Variants in ZDHHC20 observed in about 807,000 individuals in gnomAD.
ZDHHC20 encodes the protein zDHHC palmitoyltransferase 20, also known as palmitoyltransferase ZDHHC20.
ZDHHC20 carries 43 observed loss-of-function variants against 57.8 expected under a neutral mutation model. The ratio of observed to expected loss-of-function variants is 0.74; its 90% CI spans 0.58 to 0.96. The LOEUF is 0.96. ZDHHC20 is among the 40% of genes least tolerant of loss of function. The pLI is 0.00. For missense variants in ZDHHC20, 391 were observed against 441.1 expected (o/e 0.89, Z 1.02); for synonymous variants, 157 against 153.0 (o/e 1.03, Z -0.19).
intron 1 of ZDHHC20, among the ~76,000 whole-genome samples, chr13:21,448,468 G>A (rs1207846327): frequency 2.8e-5 from 3 of 106,140 alleles, no homozygotes; most frequent in East Asian, 2.5e-4. Context: ...AGGAGGTGGG[G>A]GGGGTCAGCC....
At chr13:21,411,243 C>T (rs1879178867) in intron 4 of ZDHHC20, among the ~76,000 whole-genome samples, 1 of 152,154 alleles carries the variant, frequency 6.6e-6, no homozygotes. Flanking sequence ...GTTGGAAATG[C>T]AAAAATCACC....
intron 1 of ZDHHC20, among the ~76,000 whole-genome samples, chr13:21,448,353 G>A (rs1379968419): frequency 1.2e-4 from 12 of 98,816 alleles, no homozygotes; most frequent in East Asian, 5.5e-4. Context: ...CAGCCGCCCC[G>A]TCCGGGAGGG....
intron 2 of ZDHHC20, 27 bp from the exon 3 acceptor site, chr13:21,421,191 C>G (rs1880608279): frequency 6.3e-7 from 1 of 1,588,188 alleles, no homozygotes; most frequent in South Asian, 1.1e-5. Context: ...AATAACAGTT[C>G]ATTGAATCCA....
At chr13:21,388,286 A>T (rs1415773491) in intron 8 of ZDHHC20, among the ~76,000 whole-genome samples, 1 of 152,186 alleles carries the variant, frequency 6.6e-6, no homozygotes, top group Non-Finnish European at 1.5e-5. Context: ...TTTTTAATTT[A>T]AAAACAAGGC....
In ZDHHC20 at chr13:21,392,081, A is replaced by AT. The variant is rs900672457; in HGVS notation, c.595-228dup. 3.4e-4 allele frequency among the ~76,000 whole-genome samples: 51 copies of AT among 151,994 alleles called. 1 individual carries two copies. Among genetic ancestry groups the AT allele is most frequent in the African/African-American group, 1.2e-3 (49 of 41,396 alleles). On this transcript the variant is annotated intron_variant, in intron 7 of 12. Coordinates refer to ENST00000400590, the MANE Select transcript of ZDHHC20 (RefSeq NM_001330059.2). ...GAGTTATTTAAAATACTGCTCTTAA[A>AT]TTTTTTTTAATTTTAGCTTGGCATG...
At position 21,453,010 on chromosome 13, in the gene ZDHHC20, C is replaced by T. The variant is rs1309046331; in HGVS notation, c.118+6044G>A. Among the ~76,000 whole-genome samples the T allele has an allele frequency of 2.6e-5, 4 of 152,164 alleles. No homozygotes were observed. In the South Asian group the frequency reaches 6.2e-4, roughly 24 times the overall value. ...TCACATTAAATGTAGATGGTCAAAACCCCCTATTAAAAGGCAGAGATTTTC... is the reference window on the plus strand; with the variant it reads ...TCACATTAAATGTAGATGGTCAAAATCCCCTATTAAAAGGCAGAGATTTTC... On this transcript the variant is annotated intron_variant, in intron 1 of 12. Transcript: ENST00000400590.
chr13:21,429,513 C>A (rs1881672560), intron 1 of ZDHHC20, among the ~76,000 whole-genome samples: 1 of 152,164 alleles, frequency 6.6e-6, no homozygotes, highest in Admixed American at 6.5e-5. Context: ...AGTGTCCTCA[C>A]TGTTTTCAAG....
At chr13:21,394,150 A>G (rs1199231289) in intron 7 of ZDHHC20, among the ~76,000 whole-genome samples, 2 of 152,166 alleles carry the variant, frequency 1.3e-5, no homozygotes, top group Non-Finnish European at 2.9e-5. Context: ...ATACTCTCCA[A>G]GGCCCTCTGT....
chr13:21,428,629 G>A (rs1368756173), intron 1 of ZDHHC20, among the ~76,000 whole-genome samples: 1 of 151,792 alleles, frequency 6.6e-6, no homozygotes, highest in Non-Finnish European at 1.5e-5. Context: ...GGGAGGCTGA[G>A]GCAGGTGGAT....
intron 1 of ZDHHC20, among the ~76,000 whole-genome samples, chr13:21,443,538 T>C (rs577999117): frequency 3.9e-5 from 6 of 152,332 alleles, no homozygotes; most frequent in South Asian, 2.1e-4. Flanking sequence ...GCCCAGGTTA[T>C]ATAGTTGATT....
At chr13:21,381,331 A>T in intron 11 of ZDHHC20, 103 bp downstream of exon 11, 1 of 961,920 alleles carries the variant, frequency 1.0e-6, no homozygotes, top group African/African-American at 1.6e-5. Flanking sequence ...CACATATTTT[A>T]GTATTTTTAA....
intron 1 of ZDHHC20, among the ~76,000 whole-genome samples, chr13:21,441,577 G>C (rs1283239201): frequency 1.7e-5 from 1 of 59,298 alleles, no homozygotes; most frequent in Non-Finnish European, 3.5e-5. Context: ...TTTTTTTTTT[G>C]TATTTTTAGT....
chr13:21,420,249 C>T (rs989102254), intron 3 of ZDHHC20, among the ~76,000 whole-genome samples: 5 of 152,176 alleles, frequency 3.3e-5, no homozygotes, highest in African/African-American at 9.6e-5. Flanking sequence ...ATCGTGCCAT[C>T]GTACTCCAGC....
chr13:21,443,923 G>A (rs1203570941), intron 1 of ZDHHC20, among the ~76,000 whole-genome samples: 1 of 152,158 alleles, frequency 6.6e-6, no homozygotes, highest in Non-Finnish European at 1.5e-5. Context: ...TGCAGTTAGG[G>A]AGGCCAAGGC....
chr13:21,425,970 C>A (rs888222494), intron 1 of ZDHHC20, among the ~76,000 whole-genome samples: 3 of 152,292 alleles, frequency 2.0e-5, no homozygotes, highest in African/African-American at 7.2e-5. Flanking sequence ...TTAGCTCTTT[C>A]CTTAATGATA....
intron 1 of ZDHHC20, among the ~76,000 whole-genome samples, chr13:21,440,054 A>T (rs570888990): frequency 7.5e-6 from 1 of 132,614 alleles, no homozygotes; most frequent in Non-Finnish European, 1.6e-5. Context: ...GCGACAGAGT[A>T]AGACTGTTTC....
chr13:21,434,436 G>A (rs1882335662), intron 1 of ZDHHC20, among the ~76,000 whole-genome samples: 1 of 152,150 alleles, frequency 6.6e-6, no homozygotes, highest in Admixed American at 6.5e-5. Flanking sequence ...AATTGTTAAA[G>A]CATATAGTAT....
intron 4 of ZDHHC20, chr13:21,404,313 C>G (rs926159347): frequency 2.0e-6 from 1 of 502,578 alleles, no homozygotes; most frequent in African/African-American, 1.9e-5. Flanking sequence ...CTCATTGGAG[C>G]TCCTTTCTAT....
intron 1 of ZDHHC20, among the ~76,000 whole-genome samples, chr13:21,451,276 A>G (rs1278552268): frequency 6.6e-6 from 1 of 152,170 alleles, no homozygotes; most frequent in East Asian, 1.9e-4. Context: ...TGTAACTATA[A>G]TTAGTATTAT....
Sources: allele counts gnomAD v4.1 joint callset (sites outside exome capture counted in the v4.1 genomes callset), GRCh38; gene constraint gnomAD v4.1.1; transcripts MANE v1.5; gene names NCBI Gene and HGNC (gene_info 2026-07-23, HGNC 2026-07-21).